The following COG6 variants were observed in gnomAD, a reference collection of about 807,000 sequenced individuals.
COG6 encodes component of oligomeric golgi complex 6.
COG6 carries 74 observed loss-of-function variants against 88.8 expected under a neutral mutation model. The ratio of observed to expected loss-of-function variants is 0.83; its 90% CI spans 0.69 to 1.01. COG6 has a LOEUF of 1.01. Ranked by LOEUF, COG6 falls within the 50% of genes least tolerant of loss-of-function variation. The pLI is 0.00. For synonymous variants in COG6, 286 were observed against 278.7 expected, an observed-to-expected ratio of 1.03 and a Z score of -0.26; for missense variants, 800 against 797.9, an observed-to-expected ratio of 1.00 and a Z score of -0.03.
chr13:39,750,041 C>G (rs1226907247), intron 18 of COG6, among the ~76,000 whole-genome samples: 1 of 152,104 alleles, frequency 6.6e-6, no homozygotes, highest in Admixed American at 6.5e-5. Flanking sequence ...TGAAGTGATA[C>G]AACATTGTTA....
intron 4 of COG6, among the ~76,000 whole-genome samples, chr13:39,667,549 T>A (rs1875351058): frequency 6.6e-6 from 1 of 152,208 alleles, no homozygotes; most frequent in South Asian, 2.1e-4. Context: ...AATTACTTGA[T>A]GTTGACCTAT....
intron 18 of COG6, chr13:39,785,398 T>G (rs1881742336): frequency 6.6e-6 from 1 of 152,212 alleles, no homozygotes; most frequent in African/African-American, 2.4e-5. Context: ...TACTACCTTC[T>G]CATATTTATT....
At chr13:39,727,332 A>G (rs1879183807) in intron 17 of COG6, 137 bp from the exon 18 acceptor site, 1 of 710,316 alleles carries the variant, frequency 1.4e-6, no homozygotes, top group South Asian at 1.6e-5. Flanking sequence ...AAAATACACA[A>G]TTTGAACACA....
intron 13 of COG6, among the ~76,000 whole-genome samples, chr13:39,712,835 G>A (rs1878314443): frequency 1.3e-5 from 2 of 152,222 alleles, no homozygotes; most frequent in South Asian, 4.1e-4. Context: ...GCCCGAGCAA[G>A]TACTTGCATG....
chr13:39,658,261 A>G (rs1489832926), intron 1 of COG6, among the ~76,000 whole-genome samples: 1 of 151,716 alleles, frequency 6.6e-6, no homozygotes, highest in East Asian at 1.9e-4. Context: ...CTCCTGCCAC[A>G]GCCTCCCAGG....
At position 39,725,965 on chromosome 13, in the gene COG6, T is replaced by C. The variant is rs1879115120; in HGVS notation, c.1746+1404T>C. On this transcript the variant is annotated intron_variant, in intron 17 of 18. Coordinates refer to ENST00000455146, the MANE Select transcript of COG6 (RefSeq NM_020751.3). ...GTTTCTCCTTCTCTCTTGACACATA[T>C]CCAGTCTGTAATACAACTCATAAAA... 2.0e-5 allele frequency among the ~76,000 whole-genome samples: 3 copies of C among 151,914 alleles called. No homozygotes were observed. The South Asian group carries it at 6.2e-4, about 31-fold the overall frequency.
chr13:39,760,191 G>T (rs1880967106), intron 18 of COG6, among the ~76,000 whole-genome samples: 2 of 152,074 alleles, frequency 1.3e-5, no homozygotes, highest in East Asian at 1.9e-4. Context: ...CTTTCTGGGG[G>T]TATCATTTAT....
intron 18 of COG6, among the ~76,000 whole-genome samples, chr13:39,761,050 A>G (rs1307859459): frequency 1.3e-5 from 2 of 151,900 alleles, no homozygotes; most frequent in African/African-American, 2.4e-5. Flanking sequence ...ATATTTCTTC[A>G]ACAGCTATTG....
chr13:39,773,958 G>A (rs1881391505), intron 18 of COG6, among the ~76,000 whole-genome samples: 1 of 151,700 alleles, frequency 6.6e-6, no homozygotes, highest in Non-Finnish European at 1.5e-5. Flanking sequence ...AAGGTTGGCA[G>A]ACGTTTGGTT....
chr13:39,746,907 A>G (rs1880379985), intron 18 of COG6, among the ~76,000 whole-genome samples: 1 of 152,214 alleles, frequency 6.6e-6, no homozygotes. Context: ...TCCCTAAAAT[A>G]ATGTATGTGT....
chr13:39,673,753 G>GA (rs1875790804), intron 4 of COG6, among the ~76,000 whole-genome samples: 1 of 142,978 alleles, frequency 7.0e-6, no homozygotes, highest in Non-Finnish European at 1.6e-5. Flanking sequence ...CTACCACTCA[G>GA]ATAGAACCAC....
intron 12 of COG6, among the ~76,000 whole-genome samples, chr13:39,698,253 ATTT>A (rs1219814587): frequency 4.0e-5 from 6 of 151,692 alleles, no homozygotes; most frequent in African/African-American, 1.2e-4. Context: ...ATTTGTTTTC[ATTT>A]AATTTGCTTC....
At chr13:39,719,549 C>A (rs12875655) in intron 14 of COG6, 111 bp from the exon 15 acceptor site, 1 of 1,209,732 alleles carries the variant, frequency 8.3e-7, no homozygotes, top group African/African-American at 1.5e-5. Context: ...TCTTTTCCTA[C>A]GTGCTTCTAT....
At chr13:39,682,099 C>T (rs1876346370) in intron 7 of COG6, 72 bp from the exon 8 acceptor site, 3 of 1,061,002 alleles carry the variant, frequency 2.8e-6, no homozygotes, top group African/African-American at 1.6e-5. Context: ...AATTTAGACT[C>T]CTGGAATGCA....
intron 4 of COG6, among the ~76,000 whole-genome samples, chr13:39,670,449 T>C (rs7326555): frequency 0.72 from 109,774 of 151,888 alleles, 39,960 homozygotes; most frequent in Admixed American, 0.81. Flanking sequence ...AAGACAAAAA[T>C]CTGAATCTTA....
intron 18 of COG6, among the ~76,000 whole-genome samples, chr13:39,763,023 A>G (rs1217950938): frequency 6.6e-6 from 1 of 151,658 alleles, no homozygotes; most frequent in Non-Finnish European, 1.5e-5. Context: ...AGTGACTTTC[A>G]GAATCTATTG....
In COG6 at chr13:39,677,482, T is replaced by C. The variant is rs751583018; in HGVS notation, c.443T>C (p.Ile148Thr). Residue 148 changes from isoleucine to threonine, a missense_variant, in exon 5 of 19, where the codon ATA becomes ACA. Ile to Thr is a moderately conservative substitution (Grantham distance 89, BLOSUM62 -1). Transcript: ENST00000455146. ...KLQSESQKLE[I>T]RAQVADAFLS... is the part of the protein sequence containing the mutation. ...GAAAATTACAGCCAAAAATTAGAGA[T>C]AAGAGCTCAAGTTGCAGATGCCTTC... The C allele has an allele frequency of 2.2e-5, 36 of 1,608,836 alleles. No individual in the cohort carries two copies. The East Asian group carries it at 6.7e-4, about 30-fold the overall frequency.
At chr13:39,711,249 A>G (rs907619925) in intron 13 of COG6, among the ~76,000 whole-genome samples, 1 of 152,142 alleles carries the variant, frequency 6.6e-6, no homozygotes. Context: ...AAGGCCTCAA[A>G]TAGGTTGTAA....
At chr13:39,656,726 G>T (rs1004858005) in intron 1 of COG6, 24 of 393,736 alleles carry the variant, frequency 6.1e-5, no homozygotes, top group Non-Finnish European at 1.1e-4. Context: ...TAATGAATAA[G>T]AAATTAGGGC....
Sources: gnomAD v4.1 joint callset for allele counts (sites outside exome capture counted in the v4.1 genomes callset) on GRCh38, gnomAD v4.1.1 for gene constraint, MANE v1.5 for transcripts, NCBI Gene and HGNC (gene_info 2026-07-23, HGNC 2026-07-21) for gene names.